ADGRL3: variants seen among roughly 807,000 people sequenced by gnomAD.
ADGRL3 encodes the protein calcium-independent alpha-latrotoxin receptor 3.
Under a neutral mutation model 153.5 loss-of-function variants are expected in ADGRL3, and 62 were observed. The observed-to-expected ratio is 0.40, with a 90% confidence interval of 0.33 to 0.50. The LOEUF is 0.50. Among genes scored for constraint, ADGRL3 ranks in the 20% least tolerant of loss-of-function variants. The pLI, the probability that ADGRL3 is intolerant of heterozygous loss-of-function variation, is 0.47. For synonymous variants in ADGRL3, 710 were observed against 672.5 expected, an observed-to-expected ratio of 1.06 and a Z score of -0.86; for missense variants, 1,641 against 1,859.4, an observed-to-expected ratio of 0.88 and a Z score of 2.16.
chr4:61,587,202 C>T, intron 4 of ADGRL3, 25 bp from the exon 5 acceptor site: 1 of 1,548,680 alleles, frequency 6.5e-7, no homozygotes, highest in Non-Finnish European at 8.8e-7. Flanking sequence ...GATGGCATCT[C>T]TTTTCTTCCT....
At chr4:61,430,438 A>T (rs939012982) in intron 2 of ADGRL3, among the ~76,000 whole-genome samples, 1 of 152,234 alleles carries the variant, frequency 6.6e-6, no homozygotes, top group Non-Finnish European at 1.5e-5. Flanking sequence ...TCTGATTTAT[A>T]AAAGTATATC....
At chr4:61,945,797 C>T (rs1027853117) in intron 15 of ADGRL3, among the ~76,000 whole-genome samples, 13 of 151,846 alleles carry the variant, frequency 8.6e-5, no homozygotes, top group Admixed American at 2.6e-4. Context: ...CTTCGGCTCG[C>T]GCACGGTGCG....
chr4:62,070,131 G>C lies in ADGRL3; in HGVS notation c.3855G>C (p.Arg1285Ser). The C allele has an allele frequency of 6.2e-7, 1 of 1,613,684 alleles. No homozygotes were observed. Among genetic ancestry groups the C allele is most frequent in the Non-Finnish European group, 8.5e-7 (1 of 1,179,762 alleles). The change falls in exon 27 of 27, where the codon AGG (arginine) becomes AGC (serine). Residue 1285 changes from arginine to serine, a missense_variant. Physicochemically the swap from Arg to Ser is moderately radical, Grantham distance 110. Transcript: ENST00000683033. ...CAGAGGGGCTTCTGAACAATGCCAG[G>C]GATACAAGTGTCATGGATACTCTAC... is the stretch of plus-strand genomic sequence containing the variant. Reference protein sequence around the residue: ...RETKGLLNNARDTSVMDTLPL... With the variant: ...RETKGLLNNASDTSVMDTLPL...
At chr4:61,666,686 A>G (rs1332181555) in intron 5 of ADGRL3, among the ~76,000 whole-genome samples, 1 of 152,184 alleles carries the variant, frequency 6.6e-6, no homozygotes, top group East Asian at 1.9e-4. Context: ...AACATATGCA[A>G]TATATAAGGT....
chr4:61,738,689 T>C (rs1416562096), intron 8 of ADGRL3, among the ~76,000 whole-genome samples: 1 of 152,176 alleles, frequency 6.6e-6, no homozygotes, highest in Admixed American at 6.5e-5. Context: ...AATTGTCACA[T>C]TTTTTAAAAT....
chr4:61,273,809 A>G (rs1299770930), intron 1 of ADGRL3, among the ~76,000 whole-genome samples: 6 of 152,092 alleles, frequency 3.9e-5, no homozygotes, highest in Non-Finnish European at 8.8e-5. Context: ...TCTTAATTAC[A>G]TTTTGTGTTA....
chr4:61,508,701 C>T (rs2098445478), intron 3 of ADGRL3, among the ~76,000 whole-genome samples: 1 of 151,996 alleles, frequency 6.6e-6, no homozygotes, highest in Non-Finnish European at 1.5e-5. Context: ...AGCATACTAC[C>T]CAATAGGTAG....
At chr4:61,479,834 A>G (rs557998600) in intron 2 of ADGRL3, among the ~76,000 whole-genome samples, 1 of 152,230 alleles carries the variant, frequency 6.6e-6, no homozygotes, top group East Asian at 1.9e-4. Context: ...TATCTGTAAG[A>G]ATACAAAATT....
chr4:61,893,868 C>T (rs896876913), intron 10 of ADGRL3, among the ~76,000 whole-genome samples: 4 of 151,740 alleles, frequency 2.6e-5, no homozygotes, highest in African/African-American at 4.8e-5. Flanking sequence ...CCACCATGCC[C>T]GGCTAATTCT....
chr4:61,991,006 C>G (rs2099101893), intron 19 of ADGRL3, among the ~76,000 whole-genome samples: 2 of 146,542 alleles, frequency 1.4e-5, no homozygotes, highest in Admixed American at 6.9e-5. Context: ...ATTTATGAAT[C>G]AGTGTATATA....
Position 62,070,463 on chromosome 4 carries a change from A to G in ADGRL3, c.4187A>G (p.His1396Arg). The change falls in exon 27 of 27, where the codon CAT becomes CGT. Residue 1396 changes from histidine (H) to arginine (R), a missense_variant. By Grantham distance (29) the His-to-Arg change is conservative. Coordinates refer to ENST00000683033, the MANE Select transcript of ADGRL3 (RefSeq NM_001387552.1). ...GAGAGTTTGGGCCTGGAACTCATTC[A>G]TGAGGAATCTGATGCTCCTTTGCTG... is the stretch of plus-strand genomic sequence containing the variant. ...HEESLGLELIHEESDAPLLPP... is the reference protein window; with the variant it reads ...HEESLGLELIREESDAPLLPP... The G allele has an allele frequency of 6.4e-7, 1 of 1,551,542 alleles. No individual in the cohort carries two copies. The highest frequency in any genetic ancestry group is 2.4e-5 in the East Asian group (1 of 40,854).
chr4:61,656,313 A>G (rs137868331), intron 5 of ADGRL3, among the ~76,000 whole-genome samples: 1 of 152,082 alleles, frequency 6.6e-6, no homozygotes, highest in Non-Finnish European at 1.5e-5. Context: ...CTTATATGTG[A>G]CCATTTGTTG....
chr4:61,490,720 C>A lies in ADGRL3; in HGVS notation c.-173-6401C>A, dbSNP rs978863485. On this transcript the variant is annotated intron_variant, in intron 2 of 26. Transcript: ENST00000683033. The stretch of plus-strand genomic sequence containing the variant: ...ATTGAAAAAAAAAAAAGAAAAGATC[C>A]TTGAGTCTTACTGTAAGTGCCTTGG... Among the ~76,000 whole-genome samples, 4 of 150,732 alleles carry A rather than the reference C, an allele frequency of 2.7e-5. No homozygotes were observed. The East Asian group carries it at 7.8e-4, about 29-fold the overall frequency.
intron 11 of ADGRL3, among the ~76,000 whole-genome samples, chr4:61,896,600 A>T (rs1198569932): frequency 6.6e-6 from 1 of 152,148 alleles, no homozygotes; most frequent in Non-Finnish European, 1.5e-5. Flanking sequence ...AACCAGACTT[A>T]TCCTCAATAA....
At chr4:61,738,124 A>C (rs556308526) in intron 8 of ADGRL3, among the ~76,000 whole-genome samples, 61 of 151,908 alleles carry the variant, frequency 4.0e-4, no homozygotes, top group Non-Finnish European at 1.6e-4. Flanking sequence ...TATCATTCTT[A>C]TGCCTTTTGC....
chr4:61,522,509 C>G (rs2152924080), intron 4 of ADGRL3, among the ~76,000 whole-genome samples: 1 of 152,124 alleles, frequency 6.6e-6, no homozygotes, highest in African/African-American at 2.4e-5. Context: ...CCACAATTGC[C>G]AAGCTTACAT....
chr4:61,983,439 C>T lies in ADGRL3; in HGVS notation c.3072C>T (p.Thr1024=), dbSNP rs762930469. Residue 1024 remains threonine, a synonymous_variant, in exon 19 of 27, where the codon ACC becomes ACT. Coordinates refer to ENST00000683033, the MANE Select transcript of ADGRL3 (RefSeq NM_001387552.1). ...LLHFFFLAAF[T]WMFLEGVQLY... ...ATTTCTTCTTCTTGGCTGCCTTCAC[C>T]TGGATGTTCCTGGAGGGGGTGCAGC... 6.2e-7 allele frequency: 1 copy of T among 1,613,838 alleles called. No homozygotes were observed. The highest frequency in any genetic ancestry group is 8.5e-7 in the Non-Finnish European group (1 of 1,179,858).
Position 61,732,852 on chromosome 4 carries a change from G to T in ADGRL3, c.697G>T (p.Ala233Ser), listed in dbSNP as rs1015733625. ...GGCGTGGTGCAAAGACCCTCTGCAG[G>T]CATCTGACAAGATTTATTATATGCC... ...SGAWCKDPLQASDKIYYMPWT... is the reference protein window; with the variant it reads ...SGAWCKDPLQSSDKIYYMPWT... The change falls in exon 8 of 27, where the codon GCA becomes TCA. Residue 233 changes from alanine (A) to serine (S), a missense_variant. By Grantham distance (99) the Ala-to-Ser change is moderately conservative. Coordinates refer to ENST00000683033, the MANE Select transcript of ADGRL3 (RefSeq NM_001387552.1). The T allele has an allele frequency of 1.9e-6, 3 of 1,613,344 alleles. No individual in the cohort carries two copies. Among genetic ancestry groups the T allele is most frequent in the African/African-American group, 2.7e-5 (2 of 74,988 alleles).
intron 5 of ADGRL3, among the ~76,000 whole-genome samples, chr4:61,617,114 G>A (rs1242799644): frequency 1.3e-5 from 2 of 152,006 alleles, no homozygotes; most frequent in African/African-American, 4.8e-5. Context: ...GGGTCCCTTC[G>A]TAGGCATAGG....
Sources: gnomAD v4.1 joint callset for allele counts (sites outside exome capture counted in the v4.1 genomes callset) on GRCh38, gnomAD v4.1.1 for gene constraint, MANE v1.5 for transcripts, NCBI Gene and HGNC (gene_info 2026-07-23, HGNC 2026-07-21) for gene names.